PRKD1: variants seen among roughly 807,000 people sequenced by gnomAD.
The protein encoded by PRKD1 is serine/threonine-protein kinase D1.
In PRKD1, 63 loss-of-function variants were observed where a neutral mutation model predicts 95.9. The observed-to-expected ratio is 0.66, with a 90% CI of 0.54 to 0.81. The LOEUF is 0.81. Among genes scored for constraint, PRKD1 ranks in the 30% least tolerant of loss-of-function variants. PRKD1 has a pLI of 0.00. For missense variants in PRKD1, 1,048 were observed against 1,165.3 expected, an observed-to-expected ratio of 0.90 and a Z score of 1.47; for synonymous variants, 425 against 423.1, an observed-to-expected ratio of 1.00 and a Z score of -0.05.
At chr14:29,804,848 G>A (rs1391119023) in intron 1 of PRKD1, among the ~76,000 whole-genome samples, 2 of 151,974 alleles carry the variant, frequency 1.3e-5, no homozygotes, top group East Asian at 1.9e-4. Context: ...GACCTAAGCC[G>A]TACTTTTAAT....
intron 1 of PRKD1, among the ~76,000 whole-genome samples, chr14:29,910,714 A>G (rs1894678145): frequency 6.6e-6 from 1 of 152,324 alleles, no homozygotes; most frequent in Non-Finnish European, 1.5e-5. Flanking sequence ...ACAAAGAGGT[A>G]ATATATAAAT....
intron 1 of PRKD1, among the ~76,000 whole-genome samples, chr14:29,836,532 A>G (rs368721431): frequency 6.6e-6 from 1 of 152,190 alleles, no homozygotes; most frequent in African/African-American, 2.4e-5. Flanking sequence ...GGGTGCTAGA[A>G]CAATGTTTTC....
At chr14:29,660,573 A>T (rs1882134398) in intron 4 of PRKD1, among the ~76,000 whole-genome samples, 1 of 152,116 alleles carries the variant, frequency 6.6e-6, no homozygotes, top group Admixed American at 6.6e-5. Context: ...GGGAGAGTTT[A>T]TCTGATTAAA....
chr14:29,621,360 G>T (rs900446276), intron 13 of PRKD1, among the ~76,000 whole-genome samples: 1 of 151,130 alleles, frequency 6.6e-6, no homozygotes, highest in Non-Finnish European at 1.5e-5. Context: ...ATAATAAAAA[G>T]GGTTTCTTTC....
At position 29,676,066 on chromosome 14, in the gene PRKD1, T is replaced by C. The variant is rs13379099; in HGVS notation, c.404-9858A>G. On this transcript the variant is annotated intron_variant, in intron 2 of 17. Coordinates refer to ENST00000331968, the MANE Select transcript of PRKD1 (RefSeq NM_002742.3). ...ATGGGTGCAGCACACCAACATGGCA[T>C]ATGTAACAAACCTGCACGTTGTGCA... Among the ~76,000 whole-genome samples, 911 of 151,774 alleles carry C rather than the reference T, an allele frequency of 6.0e-3. 13 individuals carry two copies. The highest frequency in any genetic ancestry group is 0.02 in the African/African-American group (837 of 41,368).
intron 2 of PRKD1, among the ~76,000 whole-genome samples, chr14:29,711,568 T>C (rs891449570): frequency 6.6e-6 from 1 of 152,154 alleles, no homozygotes; most frequent in Non-Finnish European, 1.5e-5. Flanking sequence ...TATTAACTGC[T>C]TAAAACCAAA....
intron 1 of PRKD1, among the ~76,000 whole-genome samples, chr14:29,798,413 T>C (rs1889901478): frequency 6.6e-6 from 1 of 152,168 alleles, no homozygotes; most frequent in African/African-American, 2.4e-5. Context: ...CAAAAGCAAA[T>C]ATAATGTGTC....
intron 1 of PRKD1, among the ~76,000 whole-genome samples, chr14:29,920,647 T>C (rs983879465): frequency 2.6e-5 from 4 of 151,272 alleles, no homozygotes; most frequent in African/African-American, 9.7e-5. Flanking sequence ...TAATTATCCA[T>C]TACACTCTTC....
At chr14:29,819,925 C>A in intron 1 of PRKD1, among the ~76,000 whole-genome samples, 1 of 152,094 alleles carries the variant, frequency 6.6e-6, no homozygotes, top group East Asian at 1.9e-4. Flanking sequence ...GACACAAAAG[C>A]AGAGTCCCTG....
intron 1 of PRKD1, among the ~76,000 whole-genome samples, chr14:29,916,745 T>C (rs1486465508): frequency 6.6e-6 from 1 of 152,140 alleles, no homozygotes; most frequent in Non-Finnish European, 1.5e-5. Context: ...TATATAGATG[T>C]CTCAAAATGG....
intron 1 of PRKD1, among the ~76,000 whole-genome samples, chr14:29,845,745 A>C (rs972363202): frequency 1.3e-5 from 2 of 152,192 alleles, no homozygotes; most frequent in African/African-American, 4.8e-5. Context: ...TGTTCATAGA[A>C]TACTATAGAA....
At chr14:29,676,183 G>GTTTTTTTTTTTTT (rs34953735) in intron 2 of PRKD1, among the ~76,000 whole-genome samples, 1 of 67,438 alleles carries the variant, frequency 1.5e-5, no homozygotes, top group Non-Finnish European at 2.8e-5. Flanking sequence ...TTACGTTTTT[G>GTTTTTTTTTTTTT]TTTTTTTTTT....
intron 1 of PRKD1, among the ~76,000 whole-genome samples, chr14:29,891,128 C>T (rs1418454053): frequency 6.6e-6 from 1 of 152,088 alleles, no homozygotes; most frequent in Non-Finnish European, 1.5e-5. Flanking sequence ...TAGATGCTAG[C>T]CAGATGCCCA....
At chr14:29,786,373 T>C (rs1303096261) in intron 1 of PRKD1, among the ~76,000 whole-genome samples, 1 of 152,212 alleles carries the variant, frequency 6.6e-6, no homozygotes, top group Non-Finnish European at 1.5e-5. Flanking sequence ...TTAGGAAGAA[T>C]TCCCTTCTCT....
intron 1 of PRKD1, among the ~76,000 whole-genome samples, chr14:29,725,940 A>G (rs1886119247): frequency 6.6e-6 from 1 of 152,222 alleles, no homozygotes; most frequent in South Asian, 2.1e-4. Context: ...AGAATATGAG[A>G]TAAGATTTAA....
Position 29,924,230 on chromosome 14 carries a change from A to G in PRKD1, c.264+3019T>C, listed in dbSNP as rs45519636. Among the ~76,000 whole-genome samples, 433 of 152,332 alleles carry G rather than the reference A, an allele frequency of 2.8e-3. 3 individuals carry two copies. Among genetic ancestry groups the G allele is most frequent in the Non-Finnish European group, 4.6e-3 (316 of 68,022 alleles). ...AGACTAGATTTTTCACCTAAACTAG[A>G]AGATGAAAGAAATAATTCTTTACTT... On this transcript the variant is annotated intron_variant, in intron 1 of 17. Transcript: ENST00000331968.
intron 1 of PRKD1, among the ~76,000 whole-genome samples, chr14:29,837,762 G>A (rs1891666820): frequency 6.6e-6 from 1 of 152,138 alleles, no homozygotes; most frequent in Admixed American, 6.5e-5. Flanking sequence ...TCAACCATCA[G>A]TAAGAGTCAT....
chr14:29,806,332 C>G (rs532619458), intron 1 of PRKD1, among the ~76,000 whole-genome samples: 24 of 152,266 alleles, frequency 1.6e-4, no homozygotes, highest in African/African-American at 5.8e-4. Context: ...ATTTTGATCT[C>G]ATTCTGAGAT....
intron 1 of PRKD1, among the ~76,000 whole-genome samples, chr14:29,867,360 G>C (rs1042005905): frequency 4.6e-5 from 7 of 152,036 alleles, no homozygotes; most frequent in Non-Finnish European, 1.0e-4. Context: ...ATGAAGAAAG[G>C]GAAGAAACTT....
Sources: gnomAD v4.1 joint callset for allele counts (sites outside exome capture counted in the v4.1 genomes callset) on GRCh38, gnomAD v4.1.1 for gene constraint, MANE v1.5 for transcripts, NCBI Gene and HGNC (gene_info 2026-07-23, HGNC 2026-07-21) for gene names.